The following CEP72 variants were observed in gnomAD, a reference collection of about 807,000 sequenced individuals.
The protein encoded by CEP72 is centrosomal protein of 72 kDa.
A neutral mutation model predicts 65.7 loss-of-function variants in CEP72; 78 were observed. That is an observed-to-expected ratio of 1.19 (90% CI 0.99 to 1.43). The LOEUF is 1.43. CEP72 is among the 40% of genes most tolerant of loss of function. CEP72 has a pLI of 0.00. For missense variants in CEP72, 914 were observed against 832.9 expected (o/e 1.10, Z -1.20); for synonymous variants, 358 against 351.7 (o/e 1.02, Z -0.20).
chr5:654,173 A>G (rs1739292730), downstream of CEP72, among the ~76,000 whole-genome samples: 1 of 122,918 alleles, frequency 8.1e-6, no homozygotes, highest in African/African-American at 3.2e-5. Flanking sequence ...GTGCGCGTGC[A>G]CTTGCTCTGT....
downstream of CEP72, chr5:655,585 G>C (rs1014302263): frequency 1.1e-4 from 16 of 152,048 alleles, no homozygotes; most frequent in African/African-American, 3.4e-4. The surrounding 1 kb of genome is among the most constrained non-coding windows in gnomAD (Gnocchi z 5.0). Context: ...CTTCACTCCG[G>C]TGGGTGTGGG....
At chr5:659,607 C>G (rs1739499305), downstream of CEP72, among the ~76,000 whole-genome samples, 1 of 152,122 alleles carries the variant, frequency 6.6e-6, no homozygotes, top group African/African-American at 2.4e-5. Context: ...GAATCTAGAC[C>G]CCACCCAGGG....
intron 3 of CEP72, among the ~76,000 whole-genome samples, chr5:622,505 C>G (rs957473534): frequency 1.3e-5 from 2 of 152,222 alleles, no homozygotes; most frequent in African/African-American, 4.8e-5. Flanking sequence ...GACCTAGCTC[C>G]CAGCATCACT....
In CEP72 at chr5:612,388, G is replaced by T. The variant is rs1441176946; in HGVS notation, c.27G>T (p.Val9=). 4.0e-6 allele frequency: 6 copies of T among 1,491,484 alleles called. No homozygotes were observed. The highest frequency in any genetic ancestry group is 2.3e-4 in the Middle Eastern group (1 of 4,256). 92.4% of individuals were successfully genotyped at this position (1,491,484 alleles called of 1,614,324 possible). ...TGGCGCGGGCTGGCCCTCGGCTGGT[G>T]CTGAGCGAGGAGGCGGTTCGGGCGA... MARAGPRL[V]LSEEAVRAKS... The change falls in exon 1 of 12, where the codon GTG becomes GTT. Residue 9 remains valine, a synonymous_variant. Transcript: ENST00000264935.
intron 11 of CEP72, among the ~76,000 whole-genome samples, chr5:648,791 T>TGATTGTGAGGCGTG (rs1485643505): frequency 1.2e-4 from 14 of 115,616 alleles, no homozygotes; most frequent in African/African-American, 4.9e-4. Context: ...CTGTGAGGTG[T>TGATTGTGAGGCGTG]GACTGTGAGG....
intron 4 of CEP72, among the ~76,000 whole-genome samples, chr5:629,065 C>T (rs891707886): frequency 5.3e-5 from 8 of 152,238 alleles, no homozygotes; most frequent in African/African-American, 9.6e-5. Flanking sequence ...GACCAGGTGT[C>T]GTATCATGAG....
Position 653,262 on chromosome 5 carries a change from G to A in CEP72, c.*109G>A. 6 of 1,126,690 alleles carry A rather than the reference G, an allele frequency of 5.3e-6. No homozygotes were observed. Among genetic ancestry groups the A allele is most frequent in the East Asian group, 5.5e-5 (2 of 36,520 alleles). 69.8% of individuals were successfully genotyped at this position (1,126,690 alleles called of 1,614,324 possible). ...CTGGCTGGCAAGAGTTCTCTCTTCT[G>A]TTGGTAATTATTTAGGATTTTTGGA... is the stretch of plus-strand genomic sequence containing the variant. On this transcript the variant is annotated 3_prime_UTR_variant, in exon 12 of 12. Coordinates refer to ENST00000264935, the MANE Select transcript of CEP72 (RefSeq NM_018140.4).
chr5:634,119 G>T (rs1386603475), intron 5 of CEP72, among the ~76,000 whole-genome samples, 172 bp downstream of exon 5: 3 of 141,468 alleles, frequency 2.1e-5, no homozygotes, highest in Non-Finnish European at 4.7e-5. Flanking sequence ...GGACTACAGA[G>T]TTATAAATGA....
At chr5:629,337 G>A (rs1377508659) in intron 4 of CEP72, among the ~76,000 whole-genome samples, 2 of 152,288 alleles carry the variant, frequency 1.3e-5, no homozygotes, top group Admixed American at 6.5e-5. Context: ...GCTAGGAAAA[G>A]TGTAATCACA....
intron 1 of CEP72, among the ~76,000 whole-genome samples, chr5:618,499 G>A (rs774162688): frequency 3.3e-5 from 5 of 152,248 alleles, no homozygotes; most frequent in African/African-American, 1.2e-4. Context: ...GTCAGGCACA[G>A]TGAGGAAGGC....
downstream of CEP72, among the ~76,000 whole-genome samples, chr5:667,458 T>A (rs1032500521): frequency 6.6e-6 from 1 of 152,120 alleles, no homozygotes; most frequent in Non-Finnish European, 1.5e-5. Context: ...AAACTAAAAC[T>A]TCTAGAAGAA....
At chr5:676,316 CAT>C in the CEP72 span, 6 of 152,440 alleles carry the variant, frequency 3.9e-5, no homozygotes, top group African/African-American at 1.2e-4. Context: ...CCGGGAGACA[CAT>C]GTGACATCGC....
At chr5:625,970 T>C (rs1200445432) in intron 4 of CEP72, among the ~76,000 whole-genome samples, 1 of 152,024 alleles carries the variant, frequency 6.6e-6, no homozygotes, top group East Asian at 1.9e-4. Flanking sequence ...TGATTGCCTC[T>C]GTAAGTCGCT....
At chr5:664,741 CA>C in intron 2 of CEP72, 1 of 230,580 alleles carries the variant, frequency 4.3e-6, no homozygotes, top group South Asian at 7.2e-5. Flanking sequence ...GTCTGCCGCT[CA>C]GGAGGTCAGC....
At chr5:616,829 T>TGC (rs1161557811) in intron 1 of CEP72, among the ~76,000 whole-genome samples, 1 of 149,486 alleles carries the variant, frequency 6.7e-6, no homozygotes, top group African/African-American at 2.4e-5. Flanking sequence ...TGTGTGTGTG[T>TGC]GTGCGCGCGA....
At chr5:674,788 G>T in the CEP72 span, among the ~76,000 whole-genome samples, 19 of 151,758 alleles carry the variant, frequency 1.3e-4, no homozygotes, top group Admixed American at 9.2e-4. Context: ...TCCAGCAGGG[G>T]ACAGTGGGCT....
downstream of CEP72, chr5:656,867 G>A (rs1219118288): frequency 6.6e-6 from 1 of 152,162 alleles, no homozygotes; most frequent in Non-Finnish European, 1.5e-5. Context: ...ATTCAAAGGG[G>A]TGATAAATTC....
rs1369513042 is a variant in CEP72, at chr5:624,703, G to T, written c.512+124G>T. Reference sequence around the variant, plus strand: ...AGGGGCGGACACCAGGAGGGAGGAAGGGCAGAGCCTGCCTGGCGGGGACTC... The same window carrying T: ...AGGGGCGGACACCAGGAGGGAGGAATGGCAGAGCCTGCCTGGCGGGGACTC... On this transcript the variant is annotated intron_variant, in intron 4 of 11. Coordinates refer to ENST00000264935, the MANE Select transcript of CEP72 (RefSeq NM_018140.4). The surrounding 1 kb of genome is among the most constrained non-coding windows in gnomAD (Gnocchi z 4.7). 4 of 726,406 alleles carry T rather than the reference G, an allele frequency of 5.5e-6. No individual in the cohort carries two copies. The highest frequency in any genetic ancestry group is 2.1e-5 in the Admixed American group (1 of 48,122). The allele number at this position is 726,406 out of a possible 1,614,324, so 45.0% of individuals were successfully genotyped here. A position where few individuals can be genotyped will look rare whatever the true frequency, so the allele number is the denominator to read the frequency against.
chr5:658,506 C>T (rs1461710809), downstream of CEP72, among the ~76,000 whole-genome samples: 4 of 152,206 alleles, frequency 2.6e-5, no homozygotes, highest in Admixed American at 2.6e-4. Flanking sequence ...AAGAAACACC[C>T]TTTGCCTCCA....
Sources: allele counts gnomAD v4.1 joint callset (sites outside exome capture counted in the v4.1 genomes callset), GRCh38; gene constraint gnomAD v4.1.1; non-coding constraint Gnocchi (gnomAD v3.1); transcripts MANE v1.5; gene names NCBI Gene and HGNC (gene_info 2026-07-23, HGNC 2026-07-21).